Variants in TMEM38B observed in about 807,000 individuals in gnomAD.
The protein encoded by TMEM38B is transmembrane protein 38B, also known as trimeric intracellular cation channel type B.
TMEM38B carries 24 observed loss-of-function variants against 28.7 expected under a neutral mutation model. That is an observed-to-expected ratio of 0.84 (90% CI 0.61 to 1.18). TMEM38B has a LOEUF of 1.18. Ranked by LOEUF, TMEM38B falls within the 50% of genes most tolerant of loss-of-function variation. TMEM38B has a pLI of 0.00. For missense variants in TMEM38B, 380 were observed against 350.9 expected, an observed-to-expected ratio of 1.08 and a Z score of -0.66; for synonymous variants, 131 against 127.7, an observed-to-expected ratio of 1.03 and a Z score of -0.17.
intron 5 of TMEM38B, among the ~76,000 whole-genome samples, chr9:105,765,701 G>A (rs910787816): frequency 2.0e-5 from 3 of 152,120 alleles, no homozygotes; most frequent in Non-Finnish European, 4.4e-5. Context: ...GGGTTTTGGT[G>A]TATTTCCAGC....
chr9:105,744,156 G>C (rs187215054), intron 4 of TMEM38B, among the ~76,000 whole-genome samples: 7 of 151,698 alleles, frequency 4.6e-5, no homozygotes, highest in Non-Finnish European at 1.0e-4. Flanking sequence ...CAAAGAATTC[G>C]TATGTAAAAT....
chr9:105,772,868 C>G (rs1338031612), intron 5 of TMEM38B, among the ~76,000 whole-genome samples: 3 of 151,988 alleles, frequency 2.0e-5, no homozygotes, highest in African/African-American at 4.8e-5. Flanking sequence ...CTTTTCTATT[C>G]TAAATATTGC....
intron 4 of TMEM38B, among the ~76,000 whole-genome samples, chr9:105,744,067 C>T (rs1837299374): frequency 1.3e-5 from 2 of 151,346 alleles, no homozygotes; most frequent in Admixed American, 6.6e-5. Context: ...AAGTTTAATT[C>T]CTTTATTTGA....
At chr9:105,758,865 C>G in intron 5 of TMEM38B, 6 of 1,014,710 alleles carry the variant, frequency 5.9e-6, no homozygotes, top group Non-Finnish European at 9.4e-6. Context: ...TAATAGAAAA[C>G]TAAGCCAGGA....
intron 4 of TMEM38B, among the ~76,000 whole-genome samples, chr9:105,741,030 G>A (rs980600549): frequency 6.6e-6 from 1 of 152,136 alleles, no homozygotes; most frequent in East Asian, 1.9e-4. Context: ...AGGTCCTCCT[G>A]GATTTCTGGT....
chr9:105,741,148 G>A (rs1837188436), intron 4 of TMEM38B, among the ~76,000 whole-genome samples: 1 of 152,198 alleles, frequency 6.6e-6, no homozygotes, highest in Non-Finnish European at 1.5e-5. Flanking sequence ...TTAGCCACCA[G>A]AAGCTGAAAA....
chr9:105,727,019 C>A (rs80151445), intron 4 of TMEM38B, among the ~76,000 whole-genome samples: 3,306 of 152,152 alleles, frequency 0.022, 117 homozygotes, highest in African/African-American at 0.076. Context: ...GAACATTATA[C>A]TGCTTCATAT....
chr9:105,732,547 A>C (rs1381273660), intron 4 of TMEM38B, among the ~76,000 whole-genome samples: 1 of 152,100 alleles, frequency 6.6e-6, no homozygotes, highest in Non-Finnish European at 1.5e-5. Flanking sequence ...TTTTCCCAGC[A>C]CCATTTATTA....
chr9:105,756,974 T>C (rs1217766246), intron 5 of TMEM38B, among the ~76,000 whole-genome samples: 2 of 152,164 alleles, frequency 1.3e-5, no homozygotes, highest in East Asian at 3.8e-4. Flanking sequence ...ATAAGTTCTT[T>C]AGTGCTAATT....
chr9:105,714,741 T>C (rs1419148961), intron 2 of TMEM38B, among the ~76,000 whole-genome samples: 2 of 152,234 alleles, frequency 1.3e-5, no homozygotes, highest in Non-Finnish European at 2.9e-5. Context: ...TTAGTTTACT[T>C]TCTACCTGGT....
At chr9:105,773,509 G>T (rs1014207721) in intron 5 of TMEM38B, among the ~76,000 whole-genome samples, 12 of 152,160 alleles carry the variant, frequency 7.9e-5, no homozygotes, top group Non-Finnish European at 8.8e-5. Context: ...TTGGGTTAAA[G>T]TTAAAGAGAA....
chr9:105,710,440 A>G (rs1420161136), intron 2 of TMEM38B: 5 of 1,370,406 alleles, frequency 3.6e-6, no homozygotes, highest in Non-Finnish European at 5.1e-6. Context: ...TGTATCTGTC[A>G]TAATCATCAT....
chr9:105,737,667 C>A (rs1837037785), intron 4 of TMEM38B, among the ~76,000 whole-genome samples: 1 of 152,154 alleles, frequency 6.6e-6, no homozygotes, highest in South Asian at 2.1e-4. Flanking sequence ...TTCAGCTCAA[C>A]CAATGCTCTA....
intron 4 of TMEM38B, among the ~76,000 whole-genome samples, chr9:105,726,392 T>C (rs1034261043): frequency 6.6e-6 from 1 of 152,174 alleles, no homozygotes; most frequent in Non-Finnish European, 1.5e-5. Flanking sequence ...TTAAGATTTG[T>C]TTTTTACTTT....
At chr9:105,740,103 G>A (rs538400270) in intron 4 of TMEM38B, among the ~76,000 whole-genome samples, 4 of 152,008 alleles carry the variant, frequency 2.6e-5, no homozygotes, top group Admixed American at 6.6e-5. Flanking sequence ...GGCTGGTCTC[G>A]AACTCCTGAC....
intron 5 of TMEM38B, among the ~76,000 whole-genome samples, chr9:105,764,186 C>A (rs1403777871): frequency 1.3e-5 from 2 of 151,886 alleles, no homozygotes; most frequent in African/African-American, 4.8e-5. Context: ...CAGGGATGCC[C>A]TCTCTCACCA....
At chr9:105,719,264 A>G (rs982846696) in intron 2 of TMEM38B, among the ~76,000 whole-genome samples, 1 of 152,150 alleles carries the variant, frequency 6.6e-6, no homozygotes. Flanking sequence ...AACTTAACCT[A>G]TAGTTAAATG....
At chr9:105,744,746 C>G (rs559309948) in intron 4 of TMEM38B, among the ~76,000 whole-genome samples, 92 of 152,172 alleles carry the variant, frequency 6.0e-4, no homozygotes, top group African/African-American at 2.1e-3. Context: ...TTTCCCCCAC[C>G]CCATGACAGG....
At chr9:105,760,685 G>A (rs377258450) in intron 5 of TMEM38B, 9 of 1,203,414 alleles carry the variant, frequency 7.5e-6, no homozygotes, top group African/African-American at 6.0e-5. Context: ...GCACTTTTTG[G>A]TGACAAACCT....
Sources: allele counts gnomAD v4.1 joint callset (sites outside exome capture counted in the v4.1 genomes callset), GRCh38; gene constraint gnomAD v4.1.1; transcripts MANE v1.5; gene names NCBI Gene and HGNC (gene_info 2026-07-23, HGNC 2026-07-21).